The following ACAP2 variants were observed in gnomAD, a reference collection of about 807,000 sequenced individuals.
The protein encoded by ACAP2 is arf-GAP with coiled-coil, ANK repeat and PH domain-containing protein 2.
A neutral mutation model predicts 115.8 loss-of-function variants in ACAP2; 39 were observed. The observed-to-expected ratio is 0.34, with a 90% CI of 0.26 to 0.44. The LOEUF is 0.44. ACAP2 is among the 20% of genes least tolerant of loss of function. ACAP2 has a pLI of 1.00. For missense variants in ACAP2, 662 were observed against 927.6 expected (o/e 0.71, Z 3.72); for synonymous variants, 289 against 315.8 (o/e 0.92, Z 0.90).
At chr3:195,364,180 T>C (rs949407037) in intron 4 of ACAP2, among the ~76,000 whole-genome samples, 9 of 152,176 alleles carry the variant, frequency 5.9e-5, no homozygotes, top group African/African-American at 2.2e-4. Flanking sequence ...GGAGAAAATA[T>C]TTGCAATCTA....
In ACAP2 at chr3:195,442,919, C is replaced by T. The variant is rs1716133342; in HGVS notation, c.-72G>A. On this transcript the variant is annotated 5_prime_UTR_variant, in exon 1 of 23. Transcript: ENST00000326793. Reference sequence around the variant, plus strand: ...GGGAGCGGCCGCGCTGGGACGCAGACGGCTACGGCGGGCGCACGGCCGCGA... The same window carrying T: ...GGGAGCGGCCGCGCTGGGACGCAGATGGCTACGGCGGGCGCACGGCCGCGA... 4.4e-6 allele frequency: 6 copies of T among 1,368,788 alleles called. No homozygotes were observed. In the East Asian group the frequency reaches 1.2e-4, roughly 27 times the overall value. The allele number at this position is 1,368,788 out of a possible 1,614,324, so 84.8% of individuals were successfully genotyped here.
At chr3:195,388,472 C>A (rs1431052542) in intron 2 of ACAP2, among the ~76,000 whole-genome samples, 1 of 152,200 alleles carries the variant, frequency 6.6e-6, no homozygotes, top group Non-Finnish European at 1.5e-5. Flanking sequence ...AAAGAATGAA[C>A]TACTGGTGGC....
rs1727056399 is a variant in ACAP2 at position 195,289,018 on chromosome 3, G to A, written c.2174+103C>T. 6.4e-6 allele frequency: 5 copies of A among 776,306 alleles called. No individual in the cohort carries two copies. In the South Asian group the frequency reaches 7.1e-5, roughly 11 times the overall value. 48.1% of individuals were successfully genotyped at this position (776,306 alleles called of 1,614,324 possible). On this transcript the variant is annotated intron_variant, in intron 21 of 22. Transcript: ENST00000326793. Reference sequence around the variant, plus strand: ...TATATAAGGGACATGAGCATATGTGGATGTTGGTATCCACAGGGTCCTGGA... The same window carrying A: ...TATATAAGGGACATGAGCATATGTGAATGTTGGTATCCACAGGGTCCTGGA...
At chr3:195,325,557 C>A (rs1729739807) in intron 9 of ACAP2, 1 of 389,414 alleles carries the variant, frequency 2.6e-6, no homozygotes, top group African/African-American at 2.2e-5. Flanking sequence ...TATTTAAAAT[C>A]AAATAAATTA....
chr3:195,308,885 C>G, intron 10 of ACAP2, 48 bp from the exon 11 acceptor site: 1 of 1,497,674 alleles, frequency 6.7e-7, no homozygotes. Context: ...TAATTTATTT[C>G]CATTGTTGTT....
chr3:195,338,308 CAG>C (rs1157636424), intron 6 of ACAP2, among the ~76,000 whole-genome samples: 10 of 152,114 alleles, frequency 6.6e-5, no homozygotes, highest in East Asian at 3.9e-4. Flanking sequence ...TTTTTAGAGA[CAG>C]AGTCTCACTC....
chr3:195,325,299 G>A (rs1049464118), intron 9 of ACAP2: 10 of 399,312 alleles, frequency 2.5e-5, no homozygotes, highest in South Asian at 3.7e-5. Context: ...ATGCGTGCAC[G>A]TATCTGCACA....
intron 4 of ACAP2, among the ~76,000 whole-genome samples, chr3:195,370,537 G>C (rs1399923305): frequency 6.6e-6 from 1 of 152,098 alleles, no homozygotes. Context: ...CAGCTTTGTT[G>C]AAGATCAGAT....
At chr3:195,408,731 T>C (rs1176739361) in intron 1 of ACAP2, among the ~76,000 whole-genome samples, 2 of 152,102 alleles carry the variant, frequency 1.3e-5, no homozygotes, top group African/African-American at 4.8e-5. Context: ...TTCTACAGCA[T>C]AGTAAAAGGA....
In ACAP2 at chr3:195,292,450, C is replaced by T. The variant is rs754969698; in HGVS notation, c.1768G>A (p.Gly590Arg). ...VSANSLYEPEGERQDSSMFLD... is the reference protein window; with the variant it reads ...VSANSLYEPERERQDSSMFLD... ...AACATAGAAGAATCTTGCCTTTCTC[C>T]TTCTGAAAAGCAAACACATACACAT... The change falls in exon 19 of 23, where the codon GGA becomes AGA. Residue 590 changes from glycine (G) to arginine (R), a missense_variant and splice_region_variant. Around this residue, in one of 3 missense-constraint regions of ACAP2, gnomAD observed 133 missense variants for 123.1 expected, o/e 1.08. Coordinates refer to ENST00000326793, the MANE Select transcript of ACAP2 (RefSeq NM_012287.6). 3 of 1,599,198 alleles carry T rather than the reference C, an allele frequency of 1.9e-6. No homozygotes were observed. The East Asian group carries it at 6.7e-5, about 36-fold the overall frequency.
chr3:195,336,804 A>G, intron 7 of ACAP2, 128 bp downstream of exon 7: 5 of 769,840 alleles, frequency 6.5e-6, no homozygotes, highest in East Asian at 5.5e-5. Flanking sequence ...AGAAACACAA[A>G]TGAAGATCAA....
chr3:195,337,462 T>TG (rs1306982906), intron 6 of ACAP2, among the ~76,000 whole-genome samples: 3 of 151,682 alleles, frequency 2.0e-5, no homozygotes, highest in African/African-American at 7.3e-5. Flanking sequence ...TTTTTTTTTT[T>TG]TTTGACACAG....
intron 1 of ACAP2, among the ~76,000 whole-genome samples, chr3:195,399,944 C>T (rs557739026): frequency 2.0e-5 from 3 of 151,768 alleles, no homozygotes; most frequent in Admixed American, 6.6e-5. Context: ...TTTGGGAGGC[C>T]GAGGTGGGAG....
intron 8 of ACAP2, among the ~76,000 whole-genome samples, chr3:195,329,577 A>G (rs1480704695): frequency 6.6e-6 from 1 of 151,936 alleles, no homozygotes; most frequent in African/African-American, 2.4e-5. Context: ...TCATAACACA[A>G]CTTCTTTAAA....
chr3:195,429,259 G>T (rs550497527), intron 1 of ACAP2, among the ~76,000 whole-genome samples: 299 of 151,716 alleles, frequency 2.0e-3, no homozygotes, highest in Non-Finnish European at 3.4e-3. Context: ...GTGGTGGTGT[G>T]TGCCTGTAAT....
chr3:195,321,216 CTTTTTT>C (rs34165362), intron 9 of ACAP2, among the ~76,000 whole-genome samples: 2 of 102,244 alleles, frequency 2.0e-5, no homozygotes, highest in Non-Finnish European at 3.7e-5. Flanking sequence ...TTTATCACAA[CTTTTTT>C]TTTTTTTTTT....
At chr3:195,339,141 G>C (rs184978628) in intron 6 of ACAP2, among the ~76,000 whole-genome samples, 2 of 152,244 alleles carry the variant, frequency 1.3e-5, no homozygotes, top group Admixed American at 1.3e-4. Flanking sequence ...TGAGGCAGGA[G>C]AATCACTTAA....
chr3:195,315,385 G>T (rs1729022948), intron 10 of ACAP2, among the ~76,000 whole-genome samples: 1 of 152,178 alleles, frequency 6.6e-6, no homozygotes, highest in Non-Finnish European at 1.5e-5. Context: ...TTCTTCAATA[G>T]CATGTGAAAA....
intron 1 of ACAP2, among the ~76,000 whole-genome samples, chr3:195,429,938 T>C (rs1714987346): frequency 6.6e-6 from 1 of 152,216 alleles, no homozygotes; most frequent in Non-Finnish European, 1.5e-5. Flanking sequence ...TTACACAACA[T>C]TGGTATTTGC....
Sources: gnomAD v4.1 joint callset for allele counts (sites outside exome capture counted in the v4.1 genomes callset) on GRCh38, gnomAD v4.1.1 for gene constraint, gnomAD v4.1.1 regional missense constraint, MANE v1.5 for transcripts, NCBI Gene and HGNC (gene_info 2026-07-23, HGNC 2026-07-21) for gene names.